Variants in XPO4 observed in about 807,000 individuals in gnomAD.
XPO4 encodes exportin 4, also known as exportin-4.
Under a neutral mutation model 143.0 loss-of-function variants are expected in XPO4, and 39 were observed. That is an observed-to-expected ratio of 0.27 (90% CI 0.21 to 0.36). The LOEUF is 0.36. XPO4 is among the 10% of genes least tolerant of loss of function. The pLI, the probability that XPO4 is intolerant of heterozygous loss-of-function variation, is 1.00. For synonymous variants in XPO4, 439 were observed against 474.0 expected (o/e 0.93, Z 0.96); for missense variants, 907 against 1,348.0 (o/e 0.67, Z 5.12).
At chr13:20,796,020 A>AT (rs2059353900) in intron 18 of XPO4, 56 bp downstream of exon 18, 1 of 1,480,468 alleles carries the variant, frequency 6.8e-7, no homozygotes, top group African/African-American at 1.4e-5. Flanking sequence ...CAATCCTTTG[A>AT]TTTAATAAAA....
chr13:20,836,986 C>T (rs2059923907), intron 6 of XPO4, among the ~76,000 whole-genome samples: 2 of 152,310 alleles, frequency 1.3e-5, no homozygotes, highest in African/African-American at 4.8e-5. Flanking sequence ...CATGTTGTAG[C>T]ATGTATCAGT....
intron 1 of XPO4, among the ~76,000 whole-genome samples, chr13:20,900,291 G>A (rs1343757757): frequency 1.3e-5 from 2 of 152,048 alleles, no homozygotes; most frequent in African/African-American, 4.8e-5. Context: ...GGCTGAGGCA[G>A]GAGAATCGCT....
intron 10 of XPO4, 132 bp downstream of exon 10, chr13:20,809,659 A>C (rs1217208372): frequency 1.0e-6 from 1 of 1,001,542 alleles, no homozygotes; most frequent in African/African-American, 1.6e-5. Flanking sequence ...TCAGAGAACA[A>C]GGCCACTTTT....
intron 22 of XPO4, among the ~76,000 whole-genome samples, chr13:20,784,802 T>C (rs1173753593): frequency 6.6e-6 from 1 of 152,100 alleles, no homozygotes; most frequent in Non-Finnish European, 1.5e-5. Context: ...AATTAGGCAG[T>C]TGTGGTGGTG....
chr13:20,844,603 G>A (rs2060011610), intron 4 of XPO4, among the ~76,000 whole-genome samples: 1 of 152,160 alleles, frequency 6.6e-6, no homozygotes, highest in Non-Finnish European at 1.5e-5. Context: ...AAAGATTAAA[G>A]TCAAGATGAT....
At chr13:20,813,508 G>T (rs1472068456) in intron 9 of XPO4, among the ~76,000 whole-genome samples, 1 of 152,140 alleles carries the variant, frequency 6.6e-6, no homozygotes, top group Non-Finnish European at 1.5e-5. Context: ...TGCTAGTTTG[G>T]CAGTAAATGT....
At chr13:20,849,485 A>G (rs1195474149) in intron 4 of XPO4, 1 of 984,900 alleles carries the variant, frequency 1.0e-6, no homozygotes, top group African/African-American at 1.7e-5. Flanking sequence ...AGCTTAAAAT[A>G]AAAAATTTTG....
chr13:20,864,574 C>T (rs1250526079), intron 2 of XPO4, among the ~76,000 whole-genome samples: 1 of 152,112 alleles, frequency 6.6e-6, no homozygotes, highest in Admixed American at 6.6e-5. Context: ...GGTAAATGTT[C>T]CTTGAGCAAT....
intron 6 of XPO4, among the ~76,000 whole-genome samples, chr13:20,835,066 G>A (rs553049524): frequency 3.4e-4 from 52 of 152,288 alleles, no homozygotes; most frequent in African/African-American, 1.0e-3. Flanking sequence ...GTGCAGTGGT[G>A]CAATCATAGT....
chr13:20,887,372 T>C (rs928397444), intron 1 of XPO4, among the ~76,000 whole-genome samples: 6 of 152,170 alleles, frequency 3.9e-5, no homozygotes, highest in East Asian at 1.9e-4. Context: ...ACGTTGTATA[T>C]ATATATTAAA....
At chr13:20,864,650 A>T (rs1253650701) in intron 2 of XPO4, among the ~76,000 whole-genome samples, 1 of 152,172 alleles carries the variant, frequency 6.6e-6, no homozygotes. Context: ...ATTGTTAATG[A>T]TCACTGAAAC....
At chr13:20,830,246 T>G (rs1403935228) in intron 6 of XPO4, among the ~76,000 whole-genome samples, 1 of 152,220 alleles carries the variant, frequency 6.6e-6, no homozygotes, top group Non-Finnish European at 1.5e-5. Context: ...ATGGGAGATT[T>G]ATGAGTTAGT....
intron 13 of XPO4, among the ~76,000 whole-genome samples, chr13:20,801,864 G>A (rs760048275): frequency 6.6e-6 from 1 of 152,096 alleles, no homozygotes; most frequent in Non-Finnish European, 1.5e-5. Flanking sequence ...ATACACACGT[G>A]TTTCAGTTCT....
chr13:20,895,910 G>T (rs532247002), intron 1 of XPO4, among the ~76,000 whole-genome samples: 9 of 152,186 alleles, frequency 5.9e-5, no homozygotes, highest in Middle Eastern at 6.8e-3. Flanking sequence ...GGACATTTAC[G>T]TTGTTTCAAT....
intron 1 of XPO4, 79 bp from the exon 2 acceptor site, chr13:20,868,780 A>T: frequency 2.2e-6 from 3 of 1,347,004 alleles, no homozygotes; most frequent in Non-Finnish European, 3.1e-6. Flanking sequence ...ACCCACAAGA[A>T]CAGAAAATGC....
chr13:20,897,142 A>G (rs867260176), intron 1 of XPO4, among the ~76,000 whole-genome samples: 5 of 152,220 alleles, frequency 3.3e-5, no homozygotes, highest in Non-Finnish European at 5.9e-5. Context: ...GGGCTGAAAT[A>G]AACAAAAATG....
chr13:20,789,751 C>CGT (rs144658326), intron 19 of XPO4, among the ~76,000 whole-genome samples: 7 of 152,036 alleles, frequency 4.6e-5, no homozygotes, highest in Non-Finnish European at 4.4e-5. Flanking sequence ...GTCTTTATCT[C>CGT]GTGTGTGTGT....
chr13:20,884,123 C>G (rs1049693108), intron 1 of XPO4, among the ~76,000 whole-genome samples: 14 of 152,098 alleles, frequency 9.2e-5, no homozygotes, highest in African/African-American at 3.4e-4. Context: ...ACCTGTAATC[C>G]TGGCACTTTG....
At chr13:20,817,535 A>G (rs1465514274) in intron 9 of XPO4, among the ~76,000 whole-genome samples, 1 of 152,200 alleles carries the variant, frequency 6.6e-6, no homozygotes, top group African/African-American at 2.4e-5. Context: ...GATTGCCCTT[A>G]TACACAACAC....
Sources: gnomAD v4.1 joint callset for allele counts (sites outside exome capture counted in the v4.1 genomes callset) on GRCh38, gnomAD v4.1.1 for gene constraint, MANE v1.5 for transcripts, NCBI Gene and HGNC (gene_info 2026-07-23, HGNC 2026-07-21) for gene names.